Variants in VWA3A observed in about 807,000 individuals in gnomAD.
VWA3A encodes the protein von Willebrand factor A domain containing 3A.
Under a neutral mutation model 160.4 loss-of-function variants are expected in VWA3A, and 134 were observed. The ratio of observed to expected loss-of-function variants is 0.84; its 90% CI spans 0.73 to 0.96. The LOEUF is 0.96. Ranked by LOEUF, VWA3A falls within the 40% of genes least tolerant of loss-of-function variation. The pLI is 0.00. For missense variants in VWA3A, 1,310 were observed against 1,447.9 expected (o/e 0.90, Z 1.55); for synonymous variants, 476 against 543.4 (o/e 0.88, Z 1.72).
At chr16:22,144,516 C>A in intron 26 of VWA3A, 132 bp downstream of exon 26, 1 of 1,319,546 alleles carries the variant, frequency 7.6e-7, no homozygotes, top group East Asian at 2.5e-5. Flanking sequence ...GTGGGACTCC[C>A]CTCACCAAAT....
chr16:22,127,697 A>G (rs1044063462), intron 17 of VWA3A, among the ~76,000 whole-genome samples: 4 of 152,180 alleles, frequency 2.6e-5, no homozygotes, highest in Non-Finnish European at 4.4e-5. Context: ...TCATTCAGCA[A>G]TGTTTCATTG....
At chr16:22,147,374 G>A (rs1035089269) in intron 27 of VWA3A, among the ~76,000 whole-genome samples, 2 of 152,172 alleles carry the variant, frequency 1.3e-5, no homozygotes, top group Admixed American at 6.6e-5. Context: ...ACAGGGTTGG[G>A]CTGTGGATTA....
chr16:22,153,334 C>T (rs1356037237), intron 31 of VWA3A, among the ~76,000 whole-genome samples: 2 of 152,202 alleles, frequency 1.3e-5, no homozygotes, highest in Non-Finnish European at 2.9e-5. Flanking sequence ...CAGAGCAAGA[C>T]TCCGTCTCAA....
In VWA3A at chr16:22,123,659, G is replaced by T; in HGVS notation, c.1484G>T (p.Trp495Leu). The change falls in exon 16 of 34, where the codon TGG (tryptophan) becomes TTG (leucine). Residue 495 changes from tryptophan to leucine, a missense_variant. Physicochemically the swap from Trp to Leu is moderately conservative, Grantham distance 61. Transcript: ENST00000389398. ...CGGATGTATGAGAGGCGGATTGAGT[G>T]GCTCTCCCTGGCCAGCAGAAGAATC... The part of the protein sequence containing the change: ...AMRMYERRIE[W>L]LSLASRRIWG... 6.2e-7 allele frequency: 1 copy of T among 1,613,968 alleles called. No homozygotes were observed. The highest frequency in any genetic ancestry group is 8.5e-7 in the Non-Finnish European group (1 of 1,179,884).
intron 9 of VWA3A, chr16:22,116,334 G>C (rs1248534673): frequency 4.7e-6 from 2 of 423,974 alleles, no homozygotes; most frequent in Non-Finnish European, 4.5e-6. Flanking sequence ...AGATGGAAGA[G>C]AGAGAAAGAA....
In VWA3A at chr16:22,131,743, G is replaced by A. The variant is rs374491701; in HGVS notation, c.1872+14G>A. The A allele has an allele frequency of 4.5e-5, 72 of 1,608,854 alleles. No homozygotes were observed. The highest frequency in any genetic ancestry group is 3.3e-4 in the Middle Eastern group (2 of 6,052). On this transcript the variant is annotated intron_variant, in intron 19 of 33. Transcript: ENST00000389398. ...GACCAGGACATGGTGGGTAGGCCACGTCCTGGGTGTCCATTATCCTTTGCG... is the reference window on the plus strand; with the variant it reads ...GACCAGGACATGGTGGGTAGGCCACATCCTGGGTGTCCATTATCCTTTGCG...
chr16:22,125,701 G>T (rs1346277974), intron 16 of VWA3A, among the ~76,000 whole-genome samples: 1 of 152,092 alleles, frequency 6.6e-6, no homozygotes, highest in East Asian at 1.9e-4. Context: ...GGGATTACAG[G>T]CGTGAGCCAC....
chr16:22,097,731 T>C, intron 3 of VWA3A, 36 bp downstream of exon 3: 1 of 1,549,826 alleles, frequency 6.5e-7, no homozygotes, highest in East Asian at 2.4e-5. Flanking sequence ...GTCGTGATAC[T>C]ACAAATCATT....
At chr16:22,101,595 AAG>A (rs1468481586) in intron 5 of VWA3A, among the ~76,000 whole-genome samples, 1 of 152,202 alleles carries the variant, frequency 6.6e-6, no homozygotes, top group African/African-American at 2.4e-5. Flanking sequence ...GCAGCCAGGA[AAG>A]AGAGAATGAG....
At chr16:22,109,917 G>A (rs2045529955) in intron 7 of VWA3A, among the ~76,000 whole-genome samples, 3 of 152,204 alleles carry the variant, frequency 2.0e-5, no homozygotes, top group African/African-American at 7.2e-5. Context: ...TTTTCTGGAT[G>A]GAAGAGCTAT....
intron 13 of VWA3A, 34 bp from the exon 14 acceptor site, chr16:22,121,480 A>C (rs1442871428): frequency 1.3e-6 from 2 of 1,527,918 alleles, no homozygotes; most frequent in Non-Finnish European, 1.8e-6. Context: ...GGAGCTTCTC[A>C]GGCAGTGCCT....
At chr16:22,144,970 G>A (rs1056365597) in intron 26 of VWA3A, among the ~76,000 whole-genome samples, 14 of 152,202 alleles carry the variant, frequency 9.2e-5, no homozygotes, top group South Asian at 2.1e-4. Flanking sequence ...AGATTGGGCC[G>A]TGGCTGAAGT....
At chr16:22,152,071 C>T (rs111957497) in intron 30 of VWA3A, among the ~76,000 whole-genome samples, 5 of 152,218 alleles carry the variant, frequency 3.3e-5, no homozygotes, top group South Asian at 4.1e-4. Flanking sequence ...ATGAGCCGGG[C>T]GTGGTGGCAG....
At chr16:22,138,335 A>G (rs775556198) in intron 21 of VWA3A, 25 bp from the exon 22 acceptor site, 1 of 1,563,996 alleles carries the variant, frequency 6.4e-7, no homozygotes. Context: ...TGGGGGTGCC[A>G]CTGACCCTCC....
chr16:22,131,047 C>A (rs1312278971), intron 17 of VWA3A, among the ~76,000 whole-genome samples, 158 bp from the exon 18 acceptor site: 2 of 152,154 alleles, frequency 1.3e-5, no homozygotes, highest in Non-Finnish European at 2.9e-5. Context: ...ATATGACCCA[C>A]AAGGAAATCT....
intron 3 of VWA3A, among the ~76,000 whole-genome samples, chr16:22,099,771 C>T (rs2045379092): frequency 6.6e-6 from 1 of 152,112 alleles, no homozygotes; most frequent in South Asian, 2.1e-4. Flanking sequence ...GAGGCCCTGT[C>T]TCTAACACGG....
chr16:22,092,799 G>C, intron 1 of VWA3A, 148 bp downstream of exon 1: 4 of 1,024,224 alleles, frequency 3.9e-6, no homozygotes, highest in East Asian at 2.9e-5. Context: ...GCTAAATGCT[G>C]GGGTGCCAGT....
rs367761422 is a variant in VWA3A at position 22,126,298 on chromosome 16, G to T, written c.1652+1G>T. On this transcript the variant is annotated splice_donor_variant, in intron 17 of 33. Coordinates refer to ENST00000389398, the MANE Select transcript of VWA3A (RefSeq NM_173615.5). LOFTEE classifies it high-confidence loss of function. Reference sequence around the variant, plus strand: ...ACAAGGACTGTTTCAACCTCATCGCGTATGTGTCTCCTGGCTCCTGGGGGC... The same window carrying T: ...ACAAGGACTGTTTCAACCTCATCGCTTATGTGTCTCCTGGCTCCTGGGGGC... 6.2e-7 allele frequency: 1 copy of T among 1,610,864 alleles called. No homozygotes were observed.
intron 31 of VWA3A, among the ~76,000 whole-genome samples, chr16:22,155,319 G>T (rs1250063625): frequency 6.6e-6 from 1 of 151,790 alleles, no homozygotes; most frequent in Admixed American, 6.6e-5. Flanking sequence ...TGACACCATC[G>T]TACTTTGCCA....
Sources: allele counts gnomAD v4.1 joint callset (sites outside exome capture counted in the v4.1 genomes callset), GRCh38; gene constraint gnomAD v4.1.1; transcripts MANE v1.5; gene names NCBI Gene and HGNC (gene_info 2026-07-23, HGNC 2026-07-21).